The following ACSL5 variants were observed in gnomAD, a reference collection of about 807,000 sequenced individuals.
The protein encoded by ACSL5 is acyl-CoA synthetase long chain family member 5.
In ACSL5, 50 loss-of-function variants were observed where a neutral mutation model predicts 84.9. The ratio of observed to expected loss-of-function variants is 0.59; its 90% confidence interval spans 0.47 to 0.75. The LOEUF (loss-of-function observed/expected upper bound fraction) is 0.75, where lower values mean the gene tolerates loss of function less well. ACSL5 is among the 30% of genes least tolerant of loss of function. The pLI is 0.00. For missense variants in ACSL5, 775 were observed against 830.4 expected, an observed-to-expected ratio of 0.93 and a Z score of 0.82; for synonymous variants, 280 against 300.7, an observed-to-expected ratio of 0.93 and a Z score of 0.71.
intron 14 of ACSL5, among the ~76,000 whole-genome samples, chr10:112,418,454 C>T (rs909305665): frequency 3.3e-5 from 5 of 152,064 alleles, no homozygotes; most frequent in South Asian, 2.1e-4. Context: ...TGGTGGTGGG[C>T]GCCTGTAGTC....
intron 1 of ACSL5, among the ~76,000 whole-genome samples, chr10:112,381,962 C>T (rs1454712527): frequency 6.6e-6 from 1 of 152,102 alleles, no homozygotes; most frequent in East Asian, 2.0e-4. Flanking sequence ...TCCCTTGCCA[C>T]ACAGACACTT....
chr10:112,378,687 G>A (rs1186450826), intron 1 of ACSL5, among the ~76,000 whole-genome samples: 1 of 152,130 alleles, frequency 6.6e-6, no homozygotes, highest in African/African-American at 2.4e-5. Context: ...CATCAAGCAA[G>A]GGTGACGTAA....
At chr10:112,384,476 C>G (rs1849411230) in intron 1 of ACSL5, among the ~76,000 whole-genome samples, 1 of 152,142 alleles carries the variant, frequency 6.6e-6, no homozygotes, top group Admixed American at 6.5e-5. Context: ...CCTCTTCCAT[C>G]TGTCTTTTTC....
intron 14 of ACSL5, 35 bp from the exon 15 acceptor site, chr10:112,421,558 T>G: frequency 6.2e-7 from 1 of 1,600,078 alleles, no homozygotes; most frequent in East Asian, 2.2e-5. Context: ...CACTTTATCT[T>G]GAGTAAGTCT....
intron 1 of ACSL5, among the ~76,000 whole-genome samples, chr10:112,382,491 C>T (rs1849369509): frequency 6.6e-6 from 1 of 152,208 alleles, no homozygotes; most frequent in South Asian, 2.1e-4. Context: ...GCTCACAGCA[C>T]TGGGAGGCCT....
Position 112,378,842 on chromosome 10 carries a change from A to T in ACSL5, c.-30+4573A>T, listed in dbSNP as rs563440458. Among the ~76,000 whole-genome samples, 8 of 152,296 alleles carry T rather than the reference A, an allele frequency of 5.3e-5. No homozygotes were observed. The South Asian group carries it at 1.7e-3, about 32-fold the overall frequency. Reference sequence around the variant, plus strand: ...CTTGTCCTCCCTGGCGCAGGGCCTGACACTTCCTAGGTTCTCAACTCATTG... The same window carrying T: ...CTTGTCCTCCCTGGCGCAGGGCCTGTCACTTCCTAGGTTCTCAACTCATTG... On this transcript the variant is annotated intron_variant, in intron 1 of 20. Transcript: ENST00000354655.
At chr10:112,383,725 A>G (rs1589671111) in intron 1 of ACSL5, among the ~76,000 whole-genome samples, 1 of 152,364 alleles carries the variant, frequency 6.6e-6, no homozygotes, top group African/African-American at 2.4e-5. Flanking sequence ...GTGCATTCAC[A>G]TGAAATGCCA....
chr10:112,423,295 A>G (rs1291527627), intron 17 of ACSL5, among the ~76,000 whole-genome samples: 1 of 132,942 alleles, frequency 7.5e-6, no homozygotes, highest in Non-Finnish European at 1.6e-5. Flanking sequence ...CCATGGATCA[A>G]CAATATAAAA....
chr10:112,419,693 T>C (rs900158131), intron 14 of ACSL5: 15 of 152,242 alleles, frequency 9.9e-5, no homozygotes, highest in African/African-American at 3.6e-4. Flanking sequence ...TTTTGTCATG[T>C]TGGAAACATT....
chr10:112,408,565 C>A, intron 6 of ACSL5, 44 bp downstream of exon 6: 2 of 1,269,546 alleles, frequency 1.6e-6, no homozygotes, highest in Non-Finnish European at 2.3e-6. Flanking sequence ...TTTCTCAATG[C>A]TGAGTATTTC....
chr10:112,379,898 C>T (rs1399642115), intron 1 of ACSL5, among the ~76,000 whole-genome samples: 3 of 152,184 alleles, frequency 2.0e-5, no homozygotes, highest in African/African-American at 7.2e-5. Flanking sequence ...GCTGATTCTG[C>T]AGAAAACTAA....
At chr10:112,405,710 T>A (rs1166034989) in intron 5 of ACSL5, among the ~76,000 whole-genome samples, 2 of 152,164 alleles carry the variant, frequency 1.3e-5, no homozygotes, top group Non-Finnish European at 2.9e-5. Flanking sequence ...AATCCACAGA[T>A]AACCCCCCCA....
chr10:112,398,852 A>G, intron 2 of ACSL5, 49 bp from the exon 3 acceptor site: 1 of 1,496,988 alleles, frequency 6.7e-7, no homozygotes, highest in East Asian at 2.3e-5. Context: ...GGTTTTGGAA[A>G]GAGTGAGGGG....
intron 17 of ACSL5, among the ~76,000 whole-genome samples, chr10:112,423,880 C>T (rs1332833787): frequency 2.0e-5 from 3 of 152,090 alleles, no homozygotes; most frequent in Non-Finnish European, 4.4e-5. Context: ...AATCCTAACA[C>T]TTTAGGAGAC....
intron 14 of ACSL5, among the ~76,000 whole-genome samples, chr10:112,420,749 G>A (rs1028793513): frequency 4.0e-5 from 6 of 149,120 alleles, no homozygotes; most frequent in African/African-American, 9.9e-5. Flanking sequence ...ATGTAGTCTC[G>A]CTCACTGTGT....
chr10:112,383,128 A>AAAAAAC (rs1228551011), intron 1 of ACSL5, among the ~76,000 whole-genome samples: 1 of 152,184 alleles, frequency 6.6e-6, no homozygotes, highest in Non-Finnish European at 1.5e-5. Context: ...AACAAAAAAC[A>AAAAAAC]AAAAACAAAA....
At position 112,398,900 on chromosome 10, in the gene ACSL5, G is replaced by C. The variant is rs776759528; in HGVS notation, c.157-1G>C. 6.2e-7 allele frequency: 1 copy of C among 1,613,878 alleles called. No homozygotes were observed. Among genetic ancestry groups the C allele is most frequent in the Non-Finnish European group, 8.5e-7 (1 of 1,179,810 alleles). ...GGCCTAAACTTGGTCTTGTGTCTTA[G>C]GGAGGAGCACGGAAGGGGGTTTCCC... is the stretch of plus-strand genomic sequence containing the variant. On this transcript the variant is annotated splice_acceptor_variant, in intron 2 of 20. Coordinates refer to ENST00000354655, the MANE Select transcript of ACSL5 (RefSeq NM_203379.2). LOFTEE classifies it high-confidence loss of function.
In ACSL5 at chr10:112,399,017, T is replaced by C; in HGVS notation, c.265+8T>C. ...GAGGACTCGCTGTGTCTGGTAAGCC[T>C]GGTGGTCTGTCCTTGCCTGAAGAAG... On this transcript the variant is annotated splice_region_variant and intron_variant, in intron 3 of 20. Transcript: ENST00000354655. 1 of 1,609,160 alleles carries C rather than the reference T, an allele frequency of 6.2e-7. No homozygotes were observed. The highest frequency in any genetic ancestry group is 8.5e-7 in the Non-Finnish European group (1 of 1,175,612).
Position 112,374,116 on chromosome 10 carries a change from A to T in ACSL5, c.-183A>T, listed in dbSNP as rs925807969. The T allele has an allele frequency of 6.6e-6, 1 of 151,942 alleles. No homozygotes were observed. Among genetic ancestry groups the T allele is most frequent in the Non-Finnish European group, 1.5e-5 (1 of 67,998 alleles). 9.4% of individuals were successfully genotyped at this position (151,942 alleles called of 1,614,324 possible). ...AAGGTTCCAGGGGAGTGTGTTGGCC[A>T]CTCTCAGGACAGTACACAGTAGCTT... is the stretch of plus-strand genomic sequence containing the variant. On this transcript the variant is annotated 5_prime_UTR_variant, in exon 1 of 21. Coordinates refer to ENST00000354655, the MANE Select transcript of ACSL5 (RefSeq NM_203379.2).
Sources: gnomAD v4.1 joint callset for allele counts (sites outside exome capture counted in the v4.1 genomes callset) on GRCh38, gnomAD v4.1.1 for gene constraint, MANE v1.5 for transcripts, NCBI Gene and HGNC (gene_info 2026-07-23, HGNC 2026-07-21) for gene names.